The following BPTF variants were observed in gnomAD, a reference collection of about 807,000 sequenced individuals.
The protein encoded by BPTF is nucleosome-remodeling factor subunit BPTF.
Under a neutral mutation model 292.5 loss-of-function variants are expected in BPTF, and 18 were observed. The ratio of observed to expected loss-of-function variants is 0.06; its 90% confidence interval spans 0.04 to 0.09. The LOEUF is 0.09. Ranked by LOEUF, BPTF falls within the 10% of genes least tolerant of loss-of-function variation. The pLI is 1.00. For synonymous variants in BPTF, 1,225 were observed against 1,251.9 expected, an observed-to-expected ratio of 0.98 and a Z score of 0.45; for missense variants, 2,726 against 3,498.7, an observed-to-expected ratio of 0.78 and a Z score of 5.57.
intron 19 of BPTF, among the ~76,000 whole-genome samples, chr17:67,940,964 C>T (rs1400156002): frequency 6.6e-6 from 1 of 152,160 alleles, no homozygotes; most frequent in African/African-American, 2.4e-5. Flanking sequence ...TTGCAAGACT[C>T]GATATTGTTA....
chr17:67,944,649 T>G (rs2065657939), intron 20 of BPTF: 2 of 464,054 alleles, frequency 4.3e-6, no homozygotes, highest in African/African-American at 2.0e-5. Flanking sequence ...CCACACTTAC[T>G]CCTTGCTAAG....
intron 25 of BPTF, 73 bp from the exon 26 acceptor site, chr17:67,966,496 TGTA>T (rs1485400819): frequency 7.6e-7 from 1 of 1,308,058 alleles, no homozygotes; most frequent in Non-Finnish European, 1.1e-6. Context: ...GGTTCATTGA[TGTA>T]GTAACTCAAC....
intron 1 of BPTF, among the ~76,000 whole-genome samples, chr17:67,840,593 C>T (rs528097202): frequency 1.3e-5 from 2 of 151,922 alleles, no homozygotes; most frequent in African/African-American, 4.8e-5. Flanking sequence ...CTTCTTTCAC[C>T]CATGCTGGAG....
At chr17:67,871,390 G>A (rs1279112659) in intron 3 of BPTF, among the ~76,000 whole-genome samples, 1 of 140,872 alleles carries the variant, frequency 7.1e-6, no homozygotes, top group African/African-American at 2.7e-5. Flanking sequence ...GCAGTGAGCC[G>A]AGATCGTGCC....
intron 3 of BPTF, among the ~76,000 whole-genome samples, chr17:67,868,077 C>T (rs1162878996): frequency 6.6e-6 from 1 of 152,080 alleles, no homozygotes; most frequent in Non-Finnish European, 1.5e-5. Flanking sequence ...ATATTTTATA[C>T]TTACTGGGTT....
intron 23 of BPTF, chr17:67,956,180 G>A (rs1245224227): frequency 3.3e-5 from 5 of 151,084 alleles, no homozygotes; most frequent in Non-Finnish European, 5.9e-5. Context: ...TTAGCCGGGC[G>A]TGATGGCGGG....
intron 15 of BPTF, among the ~76,000 whole-genome samples, chr17:67,927,937 G>A (rs1199625585): frequency 1.3e-5 from 2 of 152,030 alleles, no homozygotes; most frequent in African/African-American, 4.8e-5. Context: ...AGGCTGGAGT[G>A]CAGTGGCATG....
At chr17:67,918,632 C>A in intron 11 of BPTF, 82 bp from the exon 12 acceptor site, 1 of 1,313,652 alleles carries the variant, frequency 7.6e-7, no homozygotes, top group Non-Finnish European at 1.1e-6. Flanking sequence ...CACAGCCCTT[C>A]AGTTTAGTAG....
intron 4 of BPTF, among the ~76,000 whole-genome samples, chr17:67,890,929 T>G (rs2061066985): frequency 6.6e-6 from 1 of 152,204 alleles, no homozygotes; most frequent in African/African-American, 2.4e-5. Flanking sequence ...TTCAACTATC[T>G]GGTCAATGGA....
At chr17:67,874,565 T>G (rs1303231058) in intron 3 of BPTF, among the ~76,000 whole-genome samples, 1 of 152,184 alleles carries the variant, frequency 6.6e-6, no homozygotes, top group Non-Finnish European at 1.5e-5. Context: ...ATAGGCTCAT[T>G]TTACTTTTTT....
chr17:67,864,923 G>T (rs997616650), intron 2 of BPTF, among the ~76,000 whole-genome samples: 1 of 152,102 alleles, frequency 6.6e-6, no homozygotes, highest in African/African-American at 2.4e-5. Context: ...TCCTGCCTCA[G>T]GCTCCCGGGT....
intron 4 of BPTF, among the ~76,000 whole-genome samples, chr17:67,884,138 CTTTTTTT>C (rs200471908): frequency 1.3e-4 from 18 of 134,476 alleles, no homozygotes; most frequent in South Asian, 2.4e-4. Flanking sequence ...CATTTTCTTT[CTTTTTTT>C]TTTTTTTTTT....
chr17:67,857,414 C>T (rs1230064144), intron 2 of BPTF, among the ~76,000 whole-genome samples: 2 of 151,470 alleles, frequency 1.3e-5, no homozygotes, highest in Non-Finnish European at 2.9e-5. Flanking sequence ...TCTGCCTCGG[C>T]CTCCCAAAGT....
Position 67,922,016 on chromosome 17 carries a change from G to A in BPTF, c.5558-824G>A, listed in dbSNP as rs2063483306. On this transcript the variant is annotated intron_variant, in intron 13 of 27. Coordinates refer to ENST00000306378, the MANE Select transcript of BPTF (RefSeq NM_182641.4). ...ACTGTACTCCAGCCTGGGCAACAGA[G>A]CAAGACTCTGTCTCCAAAAAAAAAA... 2.0e-5 allele frequency among the ~76,000 whole-genome samples: 3 copies of A among 152,018 alleles called. No individual in the cohort carries two copies. The South Asian group carries it at 6.2e-4, about 32-fold the overall frequency.
rs1598110058 is a variant in BPTF at position 67,833,678 on chromosome 17, C to G, written c.613+7341C>G. Among the ~76,000 whole-genome samples, 2 of 151,686 alleles carry G rather than the reference C, an allele frequency of 1.3e-5. 1 individual carries two copies. The highest frequency in any genetic ancestry group is 3.9e-4 in the East Asian group (2 of 5,182). ...CTGCCTTCTGGGTTCAAGTGATTCT[C>G]CTGTCTCAGCCTCCTGAGTAGCTGG... is the stretch of plus-strand genomic sequence containing the variant. On this transcript the variant is annotated intron_variant, in intron 1 of 27. Transcript: ENST00000306378.
chr17:67,827,370 A>G (rs2056180992), intron 1 of BPTF, among the ~76,000 whole-genome samples: 1 of 152,110 alleles, frequency 6.6e-6, no homozygotes, highest in Non-Finnish European at 1.5e-5. Context: ...TCTCACAGAA[A>G]GTTTCTCTAG....
intron 2 of BPTF, among the ~76,000 whole-genome samples, chr17:67,863,535 T>C (rs1567927586): frequency 2.6e-5 from 4 of 152,216 alleles, no homozygotes; most frequent in Admixed American, 2.0e-4. Context: ...CTGCCCGCCT[T>C]GGCCTCTCAA....
At chr17:67,872,794 G>T (rs1030630254) in intron 3 of BPTF, among the ~76,000 whole-genome samples, 37 of 152,136 alleles carry the variant, frequency 2.4e-4, no homozygotes, top group African/African-American at 8.4e-4. Flanking sequence ...CAAATAAAGT[G>T]TTCTTTAAAA....
chr17:67,863,043 G>A (rs1013180285), intron 2 of BPTF, among the ~76,000 whole-genome samples: 18 of 152,136 alleles, frequency 1.2e-4, no homozygotes, highest in African/African-American at 4.1e-4. Flanking sequence ...AAAGTTGGGA[G>A]TTTTCCAGGG....
Sources: gnomAD v4.1 joint callset for allele counts (sites outside exome capture counted in the v4.1 genomes callset) on GRCh38, gnomAD v4.1.1 for gene constraint, MANE v1.5 for transcripts, NCBI Gene and HGNC (gene_info 2026-07-23, HGNC 2026-07-21) for gene names.